KCNB2: variants seen among roughly 807,000 people sequenced by gnomAD.
KCNB2 encodes the protein delayed rectifier potassium channel protein.
A neutral mutation model predicts 61.5 loss-of-function variants in KCNB2; 15 were observed. That is an observed-to-expected ratio of 0.24 (90% CI 0.16 to 0.38). The LOEUF is 0.38. Among genes scored for constraint, KCNB2 ranks in the 10% least tolerant of loss-of-function variants. KCNB2 has a pLI of 1.00. For synonymous variants in KCNB2, 457 were observed against 446.0 expected (o/e 1.02, Z -0.31); for missense variants, 828 against 1,125.2 (o/e 0.74, Z 3.78).
At chr8:72,769,815 C>G (rs530569500) in intron 2 of KCNB2, among the ~76,000 whole-genome samples, 2 of 152,242 alleles carry the variant, frequency 1.3e-5, no homozygotes, top group Admixed American at 1.3e-4. Context: ...CTGGCTTTGG[C>G]AAGAAGTGAT....
intron 2 of KCNB2, among the ~76,000 whole-genome samples, chr8:72,652,910 G>A (rs1806234464): frequency 6.6e-6 from 1 of 152,062 alleles, no homozygotes; most frequent in African/African-American, 2.4e-5. Flanking sequence ...TGCACTCAAG[G>A]GGTCAGCAGT....
chr8:72,620,418 A>C (rs1042701405), intron 2 of KCNB2, among the ~76,000 whole-genome samples: 3 of 152,204 alleles, frequency 2.0e-5, no homozygotes, highest in African/African-American at 7.2e-5. Context: ...ATCTAGAAGT[A>C]GTTAATAGAT....
rs936089302 is a variant in KCNB2 at position 72,573,911 on chromosome 8, C to T, written c.579+5598C>T. Among the ~76,000 whole-genome samples the T allele has an allele frequency of 1.8e-4, 27 of 152,222 alleles. 1 individual carries two copies. The highest frequency in any genetic ancestry group is 6.5e-4 in the Admixed American group (10 of 15,280). On this transcript the variant is annotated intron_variant, in intron 2 of 2. Coordinates refer to ENST00000523207, the MANE Select transcript of KCNB2 (RefSeq NM_004770.3). ...TGGTTTACCATTTTCCTTTCTTTCC[C>T]TTTCCTCTCTGCATCCCATCTATAC...
chr8:72,745,802 C>T (rs1808052924), intron 2 of KCNB2, among the ~76,000 whole-genome samples: 1 of 151,798 alleles, frequency 6.6e-6, no homozygotes, highest in South Asian at 2.1e-4. Context: ...CCTTTAATCA[C>T]ATAGTTGGTC....
intron 2 of KCNB2, among the ~76,000 whole-genome samples, chr8:72,585,351 T>C (rs1806987175): frequency 6.6e-6 from 1 of 152,190 alleles, no homozygotes; most frequent in Non-Finnish European, 1.5e-5. Flanking sequence ...ATTTATTTGT[T>C]TCTTCTTGAC....
chr8:72,810,599 A>C (rs1186840296), intron 2 of KCNB2, among the ~76,000 whole-genome samples: 4 of 152,166 alleles, frequency 2.6e-5, no homozygotes, highest in African/African-American at 7.2e-5. Flanking sequence ...GGATGTCCCT[A>C]ATGGGACCAA....
chr8:72,696,759 C>G (rs539101091), intron 2 of KCNB2, among the ~76,000 whole-genome samples: 40 of 152,216 alleles, frequency 2.6e-4, no homozygotes, highest in Non-Finnish European at 4.1e-4. Flanking sequence ...CTTTATGAAC[C>G]ATGGACATGC....
intron 2 of KCNB2, among the ~76,000 whole-genome samples, chr8:72,705,341 T>A (rs1807203943): frequency 6.6e-6 from 1 of 152,230 alleles, no homozygotes; most frequent in Admixed American, 6.5e-5. Flanking sequence ...CTTGTCCTGA[T>A]TTTACATGCA....
chr8:72,719,535 C>A lies in KCNB2; in HGVS notation c.579+151222C>A, dbSNP rs149379797. 4.8e-3 allele frequency among the ~76,000 whole-genome samples: 727 copies of A among 152,124 alleles called. 4 individuals carry two copies. Among genetic ancestry groups the A allele is most frequent in the African/African-American group, 0.017 (699 of 41,494 alleles). On this transcript the variant is annotated intron_variant, in intron 2 of 2. Transcript: ENST00000523207. ...CTTACCAATTTAGTATGCCAAGTGG[C>A]TAGCGTTTTCATATGTATATTAAAA...
intron 2 of KCNB2, among the ~76,000 whole-genome samples, chr8:72,671,421 A>G (rs547393269): frequency 6.6e-6 from 1 of 152,316 alleles, no homozygotes; most frequent in East Asian, 1.9e-4. Context: ...TTATTGAACA[A>G]CTACTCTGTA....
intron 2 of KCNB2, among the ~76,000 whole-genome samples, chr8:72,705,254 C>T (rs1174055253): frequency 6.6e-6 from 1 of 152,122 alleles, no homozygotes; most frequent in East Asian, 1.9e-4. Flanking sequence ...ATTTGTTATC[C>T]CTGGAACGTT....
rs1810264452 is a variant in KCNB2, at chr8:72,859,706, C to CTTTTTTTTTTTTTTTTTTT, written c.580-76229_580-76228insTTTTTTTTTTTTTTTTTTT. Among the ~76,000 whole-genome samples the CTTTTTTTTTTTTTTTTTTT allele has an allele frequency of 4.1e-4, 30 of 73,442 alleles. 13 individuals carry two copies. The highest frequency in any genetic ancestry group is 3.6e-4 in the Non-Finnish European group (15 of 41,246). 48.2% of individuals were successfully genotyped at this position (73,442 alleles called of 152,430 possible). A position where few individuals can be genotyped will look rare whatever the true frequency, so the allele number is the denominator to read the frequency against. On this transcript the variant is annotated intron_variant, in intron 2 of 2. Coordinates refer to ENST00000523207, the MANE Select transcript of KCNB2 (RefSeq NM_004770.3). ...TGTAGCATGGATCAGTACTTCATTTCGTTTTTTTTTTTTTTTTTTTTTTTT... is the reference window on the plus strand; with the variant it reads ...TGTAGCATGGATCAGTACTTCATTTCTTTTTTTTTTTTTTTTTTTGTTTTTTTTTTTTTTTTTTTTTTTT...
Position 72,765,397 on chromosome 8 carries a change from C to G in KCNB2, c.580-170538C>G, listed in dbSNP as rs191870255. On this transcript the variant is annotated intron_variant, in intron 2 of 2. Transcript: ENST00000523207. ...TTAACCCAAATTTAATGGCAATTCT[C>G]TGCTAATTTCAGTCAGTCTCCTTTG... Among the ~76,000 whole-genome samples, 321 of 152,312 alleles carry G rather than the reference C, an allele frequency of 2.1e-3. 3 individuals carry two copies. Among genetic ancestry groups the G allele is most frequent in the African/African-American group, 7.5e-3 (311 of 41,554 alleles).
At chr8:72,888,435 C>T (rs1805841402) in intron 2 of KCNB2, among the ~76,000 whole-genome samples, 1 of 152,040 alleles carries the variant, frequency 6.6e-6, no homozygotes, top group Non-Finnish European at 1.5e-5. Context: ...TTCTAATCTC[C>T]CTATAATCAC....
intron 2 of KCNB2, among the ~76,000 whole-genome samples, chr8:72,777,194 G>A (rs1411039466): frequency 5.3e-5 from 8 of 152,146 alleles, no homozygotes; most frequent in Admixed American, 5.2e-4. Flanking sequence ...AGGTGAAATA[G>A]TGCTATCTAA....
intron 2 of KCNB2, among the ~76,000 whole-genome samples, chr8:72,652,513 C>T (rs1806228310): frequency 6.6e-6 from 1 of 152,034 alleles, no homozygotes. Context: ...AAAAGCCTTC[C>T]AATGGCTTCA....
At chr8:72,828,394 G>C (rs535476190) in intron 2 of KCNB2, among the ~76,000 whole-genome samples, 1 of 152,062 alleles carries the variant, frequency 6.6e-6, no homozygotes. Flanking sequence ...CATGCTATGA[G>C]GCCATTCATC....
At chr8:72,814,885 A>G (rs184917047) in intron 2 of KCNB2, among the ~76,000 whole-genome samples, 1 of 152,296 alleles carries the variant, frequency 6.6e-6, no homozygotes. Flanking sequence ...ATTACAGAGA[A>G]AACAGTGGGC....
chr8:72,908,100 T>G (rs1806210419), intron 2 of KCNB2, among the ~76,000 whole-genome samples: 1 of 152,188 alleles, frequency 6.6e-6, no homozygotes, highest in South Asian at 2.1e-4. Flanking sequence ...TTGGGTATTT[T>G]TTTTCACCTT....
Sources: gnomAD v4.1 joint callset for allele counts (sites outside exome capture counted in the v4.1 genomes callset) on GRCh38, gnomAD v4.1.1 for gene constraint, MANE v1.5 for transcripts, NCBI Gene and HGNC (gene_info 2026-07-23, HGNC 2026-07-21) for gene names.